The following GLT8D2 variants were observed in gnomAD, a reference collection of about 807,000 sequenced individuals.
GLT8D2 encodes the protein glycosyltransferase 8 domain-containing protein 2.
GLT8D2 carries 45 observed loss-of-function variants against 44.5 expected under a neutral mutation model. The ratio of observed to expected loss-of-function variants is 1.01; its 90% CI spans 0.80 to 1.30. The LOEUF (loss-of-function observed/expected upper bound fraction) is 1.30. Ranked by LOEUF, GLT8D2 falls within the 50% of genes most tolerant of loss-of-function variation. The pLI, the probability that GLT8D2 is intolerant of heterozygous loss-of-function variation, is 0.00. For synonymous variants in GLT8D2, 156 were observed against 157.2 expected, an observed-to-expected ratio of 0.99 and a Z score of 0.06; for missense variants, 400 against 430.4, an observed-to-expected ratio of 0.93 and a Z score of 0.62.
intron 3 of GLT8D2, 103 bp downstream of exon 3, chr12:104,019,527 A>C: frequency 1.1e-6 from 1 of 926,806 alleles, no homozygotes; most frequent in Non-Finnish European, 1.7e-6. Flanking sequence ...ATCCATGAAA[A>C]TCAAACACAA....
intron 1 of GLT8D2, among the ~76,000 whole-genome samples, chr12:104,045,238 A>G (rs1056965471): frequency 3.3e-5 from 5 of 152,246 alleles, no homozygotes; most frequent in African/African-American, 1.2e-4. Flanking sequence ...CAGGAATAAA[A>G]GCAGAGGGCT....
At chr12:104,032,382 C>G (rs908763986) in intron 1 of GLT8D2, among the ~76,000 whole-genome samples, 3 of 144,288 alleles carry the variant, frequency 2.1e-5, no homozygotes, top group African/African-American at 7.8e-5. Flanking sequence ...CTTGACCCTG[C>G]CACATGGGTC....
At chr12:104,044,621 G>A (rs1362508873) in intron 1 of GLT8D2, among the ~76,000 whole-genome samples, 1 of 152,052 alleles carries the variant, frequency 6.6e-6, no homozygotes, top group African/African-American at 2.4e-5. Flanking sequence ...CAATCACCGA[G>A]TCCTACTAAT....
chr12:103,991,341 C>G (rs1457074870), intron 10 of GLT8D2, among the ~76,000 whole-genome samples: 1 of 152,142 alleles, frequency 6.6e-6, no homozygotes, highest in Non-Finnish European at 1.5e-5. Flanking sequence ...TGTGTGCCAC[C>G]ATGCCCAGCT....
intron 1 of GLT8D2, among the ~76,000 whole-genome samples, chr12:104,055,331 G>A (rs1334157421): frequency 1.3e-5 from 2 of 152,220 alleles, no homozygotes; most frequent in African/African-American, 4.8e-5. Context: ...CAGGTTGAAG[G>A]GTGGAGAGTA....
At chr12:104,004,753 C>T (rs1034935707) in intron 4 of GLT8D2, among the ~76,000 whole-genome samples, 1 of 152,202 alleles carries the variant, frequency 6.6e-6, no homozygotes, top group African/African-American at 2.4e-5. Flanking sequence ...AATGGAAGAA[C>T]ATTCCATGCT....
rs963107319 is a variant in GLT8D2, at chr12:104,057,573, T to A, written c.-423+6376A>T. 2.0e-4 allele frequency among the ~76,000 whole-genome samples: 30 copies of A among 152,144 alleles called. 1 individual carries two copies. The highest frequency in any genetic ancestry group is 3.4e-3 in the Middle Eastern group (1 of 292). The stretch of plus-strand genomic sequence containing the variant: ...AATATTTCTGTTTTAAATTATGGCA[T>A]AATAAAGAAATATTAGGTTTACAAT... On this transcript the variant is annotated intron_variant, in intron 1 of 10. Transcript: ENST00000548660.
At chr12:103,992,422 A>G (rs1448785909) in intron 10 of GLT8D2, among the ~76,000 whole-genome samples, 1 of 152,160 alleles carries the variant, frequency 6.6e-6, no homozygotes, top group Non-Finnish European at 1.5e-5. Context: ...AAGAGAAAAT[A>G]AAAGTGTGGC....
At chr12:104,028,697 G>C (rs1878869344) in intron 1 of GLT8D2, among the ~76,000 whole-genome samples, 1 of 152,182 alleles carries the variant, frequency 6.6e-6, no homozygotes, top group Non-Finnish European at 1.5e-5. Flanking sequence ...ATGCTAAAGT[G>C]ATAGGGGGTA....
upstream of GLT8D2, among the ~76,000 whole-genome samples, chr12:104,052,435 G>A (rs1881801061): frequency 6.6e-6 from 1 of 152,200 alleles, no homozygotes; most frequent in Non-Finnish European, 1.5e-5. Context: ...GCAAATTAAA[G>A]CCCAAGTTCC....
intron 4 of GLT8D2, among the ~76,000 whole-genome samples, chr12:104,006,333 A>T (rs893402054): frequency 6.6e-6 from 1 of 152,194 alleles, no homozygotes; most frequent in Non-Finnish European, 1.5e-5. Flanking sequence ...ATATGTAACA[A>T]ACCTGCACAT....
At chr12:103,993,535 G>T (rs1406686573) in intron 9 of GLT8D2, 31 bp from the exon 10 acceptor site, 2 of 1,428,570 alleles carry the variant, frequency 1.4e-6, no homozygotes, top group Non-Finnish European at 9.5e-7. Context: ...ACAACATTTG[G>T]CCTGGAGCCC....
intron 1 of GLT8D2, among the ~76,000 whole-genome samples, chr12:104,056,426 T>G (rs1882188170): frequency 6.6e-6 from 1 of 152,202 alleles, no homozygotes; most frequent in Non-Finnish European, 1.5e-5. Flanking sequence ...CACAGGACTG[T>G]CTGCCACCTC....
chr12:103,994,078 C>T, intron 9 of GLT8D2: 1 of 242,398 alleles, frequency 4.1e-6, no homozygotes, highest in East Asian at 7.9e-5. Context: ...AGATTCAAGT[C>T]ACATTTTTCA....
chr12:104,017,618 T>C (rs1351147398), intron 3 of GLT8D2, among the ~76,000 whole-genome samples: 1 of 152,194 alleles, frequency 6.6e-6, no homozygotes, highest in Non-Finnish European at 1.5e-5. Context: ...CCACTGTGCC[T>C]GGCCTAAAGA....
chr12:104,002,955 A>G (rs991506309), intron 5 of GLT8D2, among the ~76,000 whole-genome samples, 180 bp downstream of exon 5: 19 of 151,368 alleles, frequency 1.3e-4, no homozygotes, highest in African/African-American at 4.6e-4. Flanking sequence ...AGAAAGAAAG[A>G]GAGAAAGAGA....
intron 1 of GLT8D2, among the ~76,000 whole-genome samples, chr12:104,040,256 TGC>T: frequency 6.6e-6 from 1 of 152,316 alleles, no homozygotes; most frequent in Middle Eastern, 3.4e-3. Context: ...GTAACAAACC[TGC>T]ACGTTGTGCA....
At chr12:104,054,541 C>T (rs1319715316), upstream of GLT8D2, among the ~76,000 whole-genome samples, 3 of 151,580 alleles carry the variant, frequency 2.0e-5, no homozygotes, top group Admixed American at 6.6e-5. Context: ...CATTGAAATA[C>T]TGATTTTATT....
intron 3 of GLT8D2, 85 bp from the exon 4 acceptor site, chr12:104,015,190 T>C: frequency 2.1e-6 from 2 of 930,406 alleles, no homozygotes; most frequent in South Asian, 2.8e-5. Context: ...TGCGAGTAGG[T>C]GCCTTCCATG....
Sources: allele counts gnomAD v4.1 joint callset (sites outside exome capture counted in the v4.1 genomes callset), GRCh38; gene constraint gnomAD v4.1.1; transcripts MANE v1.5; gene names NCBI Gene and HGNC (gene_info 2026-07-23, HGNC 2026-07-21).